CRACDL: variants seen among roughly 807,000 people sequenced by gnomAD.
The protein encoded by CRACDL is CRACD like.
In CRACDL, 26 loss-of-function variants were observed where a neutral mutation model predicts 70.6. That is an observed-to-expected ratio of 0.37 (90% CI 0.27 to 0.51). The LOEUF (loss-of-function observed/expected upper bound fraction) is 0.51, where lower values mean the gene tolerates loss of function less well. Ranked by LOEUF, CRACDL falls within the 20% of genes least tolerant of loss-of-function variation. The probability of loss-of-function intolerance (pLI) is 0.94; values close to 1 mark genes in which losing one functional copy is unlikely to be tolerated. For missense variants in CRACDL, 1,283 were observed against 1,376.9 expected, an observed-to-expected ratio of 0.93 and a Z score of 1.08; for synonymous variants, 618 against 615.2, an observed-to-expected ratio of 1.00 and a Z score of -0.07.
At chr2:98,906,194 TTTC>T (rs1558633668) in intron 1 of CRACDL, among the ~76,000 whole-genome samples, 1 of 152,206 alleles carries the variant, frequency 6.6e-6, no homozygotes, top group African/African-American at 2.4e-5. Flanking sequence ...TCACTGACAT[TTTC>T]TTCTGCCAGT....
At chr2:98,875,904 GC>G (rs1183037836) in intron 1 of CRACDL, among the ~76,000 whole-genome samples, 1 of 152,238 alleles carries the variant, frequency 6.6e-6, no homozygotes, top group East Asian at 1.9e-4. Context: ...CCAACGATTT[GC>G]CCCGGTGGGG....
intron 1 of CRACDL, among the ~76,000 whole-genome samples, chr2:98,890,737 A>G (rs1271591299): frequency 1.3e-5 from 2 of 152,208 alleles, no homozygotes; most frequent in Admixed American, 1.3e-4. Flanking sequence ...ATTTCATTTG[A>G]GCCACATGTC....
rs775211791 is a variant in CRACDL at position 98,822,130 on chromosome 2, A to G, written c.2143T>C (p.Leu715=). The G allele has an allele frequency of 3.2e-5, 51 of 1,594,628 alleles. No individual in the cohort carries two copies. The highest frequency in any genetic ancestry group is 1.6e-4 in the Middle Eastern group (1 of 6,066). ...GVKRYSAEVR[L]ERSLTVLPKE... ...GGGAGCACGGTCAGCGACCTTTCTA[A>G]CCGGACCTCGGCACTGTACCTCTTC... Residue 715 remains leucine, a synonymous_variant, in exon 7 of 10, where the codon TTA becomes CTA. Transcript: ENST00000397899. This position sits in a 1 kb window ranked among gnomAD's most constrained non-coding sequence, Gnocchi z 4.9.
At chr2:98,833,019 G>A in intron 3 of CRACDL, 22 bp from the exon 4 acceptor site, 2 of 1,598,350 alleles carry the variant, frequency 1.3e-6, no homozygotes, top group Non-Finnish European at 1.7e-6. Context: ...GAGCCACTGT[G>A]AGACTCTGCC....
intron 1 of CRACDL, chr2:98,897,283 C>G: frequency 1.4e-6 from 1 of 704,040 alleles, no homozygotes; most frequent in Non-Finnish European, 2.2e-6. Flanking sequence ...TTGCATGTAC[C>G]GGTGGTTTGT....
intron 1 of CRACDL, among the ~76,000 whole-genome samples, chr2:98,866,478 T>C (rs1032435406): frequency 2.0e-5 from 1 of 49,034 alleles, no homozygotes; most frequent in Non-Finnish European, 4.0e-5. Flanking sequence ...ACTTCTTCTT[T>C]TTTTTTTTTT....
rs1575348248 is a variant in CRACDL, at chr2:98,822,530, C to T, written c.1743G>A (p.Ala581=). 6.9e-7 allele frequency: 1 copy of T among 1,459,030 alleles called. No individual in the cohort carries two copies. The highest frequency in any genetic ancestry group is 3.0e-5 in the East Asian group (1 of 33,102). The allele number at this position is 1,459,030 out of a possible 1,614,324, so 90.4% of individuals were successfully genotyped here. The change falls in exon 7 of 10, where the codon GCG becomes GCA. Residue 581 remains alanine (A), a synonymous_variant. Coordinates refer to ENST00000397899, the MANE Select transcript of CRACDL (RefSeq NM_207362.3). This position sits in a 1 kb window ranked among gnomAD's most constrained non-coding sequence, Gnocchi z 4.9. ...GGCGGGAGACGCCCGGACGAGGCCG[C>T]GCTCGGCACGAGGACACCGAGAACT... ...AKKFSVSSCR[A]RPRPGVSRPL...
In CRACDL at chr2:98,794,575, T is replaced by A; in HGVS notation, c.2846A>T (p.Lys949Met). ...CATGTCACTCCAAGCTTGAGATTTC[T>A]TTCTGGCAAGTTCCATCCAGGATGG... Reference protein sequence around the residue: ...DQPSWMELARKKSQAWSDMPQ... With the variant: ...DQPSWMELARMKSQAWSDMPQ... The change falls in exon 10 of 10, where the codon AAG (lysine) becomes ATG (methionine). Residue 949 changes from lysine to methionine, a missense_variant. Coordinates refer to ENST00000397899, the MANE Select transcript of CRACDL (RefSeq NM_207362.3). The A allele has an allele frequency of 6.2e-7, 1 of 1,614,098 alleles. No homozygotes were observed. The highest frequency in any genetic ancestry group is 8.5e-7 in the Non-Finnish European group (1 of 1,179,928).
Position 98,821,926 on chromosome 2 carries a change from C to G in CRACDL, c.2347G>C (p.Gly783Arg). The change falls in exon 7 of 10, where the codon GGC (glycine) becomes CGC (arginine). Residue 783 changes from glycine to arginine, a missense_variant. Around this residue, in one of 2 missense-constraint regions of CRACDL, gnomAD observed 921 missense variants for 881.9 expected, o/e 1.04. Coordinates refer to ENST00000397899, the MANE Select transcript of CRACDL (RefSeq NM_207362.3). ...LPHQPAPPDAGPGEREPRKEP... is the reference protein window; with the variant it reads ...LPHQPAPPDARPGEREPRKEP... Reference sequence around the variant, plus strand: ...TTCCTGGGTTCCCGCTCTCCCGGGCCGGCGTCGGGGGGCGCGGGCTGGTGC... The same window carrying G: ...TTCCTGGGTTCCCGCTCTCCCGGGCGGGCGTCGGGGGGCGCGGGCTGGTGC... 5 of 1,584,408 alleles carry G rather than the reference C, an allele frequency of 3.2e-6. No homozygotes were observed. The highest frequency in any genetic ancestry group is 3.4e-6 in the Non-Finnish European group (4 of 1,169,890).
chr2:98,813,657 A>T (rs1019349431), intron 7 of CRACDL, among the ~76,000 whole-genome samples: 2 of 152,226 alleles, frequency 1.3e-5, no homozygotes, highest in African/African-American at 4.8e-5. Flanking sequence ...GTATCTCTGA[A>T]TTTAGTATAG....
Position 98,794,385 on chromosome 2 carries a change from TG to T in CRACDL, c.*146del. On this transcript the variant is annotated 3_prime_UTR_variant, in exon 10 of 10. Coordinates refer to ENST00000397899, the MANE Select transcript of CRACDL (RefSeq NM_207362.3). ...GTGTGTTTATCCTCTTTGTTTTGCC[TG>T]GTTCCTTCCTCTTCCCCAAGTTCGT... 1 of 704,478 alleles carries T rather than the reference TG, an allele frequency of 1.4e-6. No individual in the cohort carries two copies. The highest frequency in any genetic ancestry group is 2.4e-6 in the Non-Finnish European group (1 of 422,080). 43.6% of individuals were successfully genotyped at this position (704,478 alleles called of 1,614,324 possible). A position where few individuals can be genotyped will look rare whatever the true frequency, so the allele number is the denominator to read the frequency against.
At chr2:98,902,003 A>G (rs1708294884) in intron 1 of CRACDL, among the ~76,000 whole-genome samples, 1 of 152,146 alleles carries the variant, frequency 6.6e-6, no homozygotes, top group African/African-American at 2.4e-5. Context: ...GCGGGACGTC[A>G]TAGATGGAAG....
At chr2:98,853,020 A>AGGGAAAGGGAAGGAGAAG in intron 1 of CRACDL, among the ~76,000 whole-genome samples, 1 of 99,374 alleles carries the variant, frequency 1.0e-5, no homozygotes, top group African/African-American at 3.9e-5. Context: ...GGGGAGGGGA[A>AGGGAAAGGGAAGGAGAAG]GGGAAGGGAA....
chr2:98,815,673 C>G (rs1463176213), intron 7 of CRACDL, among the ~76,000 whole-genome samples: 1 of 152,166 alleles, frequency 6.6e-6, no homozygotes, highest in African/African-American at 2.4e-5. Flanking sequence ...TGGGGAGAGG[C>G]AGGTACTCAC....
intron 7 of CRACDL, among the ~76,000 whole-genome samples, chr2:98,801,826 T>G (rs946528404): frequency 1.3e-5 from 2 of 152,150 alleles, no homozygotes; most frequent in African/African-American, 4.8e-5. Flanking sequence ...CCCTTAGTGG[T>G]GTTAGTTGCT....
chr2:98,832,357 G>A lies in CRACDL; in HGVS notation c.531C>T (p.Thr177=), dbSNP rs766329557. 10 of 1,614,180 alleles carry A rather than the reference G, an allele frequency of 6.2e-6. No homozygotes were observed. Among genetic ancestry groups the A allele is most frequent in the Middle Eastern group, 3.3e-4 (2 of 6,054 alleles). The change falls in exon 5 of 10, where the codon ACC becomes ACT. Residue 177 remains threonine (T), a synonymous_variant. Coordinates refer to ENST00000397899, the MANE Select transcript of CRACDL (RefSeq NM_207362.3). ...TACAGGCCGCACTTGCCTTTATGGT[G>A]GTACCAGGACCCACGTCGTGCAGCA... ...MSLLHDVGPG[T]TIKVSVVSPD...
At chr2:98,911,919 G>A (rs968509278) in intron 1 of CRACDL, among the ~76,000 whole-genome samples, 4 of 152,166 alleles carry the variant, frequency 2.6e-5, no homozygotes, top group Non-Finnish European at 5.9e-5. Context: ...ACATACCACA[G>A]CCTCTAGAGA....
At chr2:98,838,066 T>G in intron 3 of CRACDL, 53 bp downstream of exon 3, 73 of 1,461,162 alleles carry the variant, frequency 5.0e-5, no homozygotes, top group Non-Finnish European at 5.9e-5. Flanking sequence ...ACCAGGATAA[T>G]GAAATCATGT....
chr2:98,808,773 C>T (rs1352579962), intron 7 of CRACDL, among the ~76,000 whole-genome samples: 1 of 152,220 alleles, frequency 6.6e-6, no homozygotes, highest in Admixed American at 6.5e-5. Flanking sequence ...CTCTCCTGAG[C>T]CCTGGGGTGA....
Sources: gnomAD v4.1 joint callset for allele counts (sites outside exome capture counted in the v4.1 genomes callset) on GRCh38, gnomAD v4.1.1 for gene constraint, gnomAD v4.1.1 regional missense constraint, Gnocchi (gnomAD v3.1) non-coding constraint, MANE v1.5 for transcripts, NCBI Gene and HGNC (gene_info 2026-07-23, HGNC 2026-07-21) for gene names.